The following PTPRG variants were observed in gnomAD, a reference collection of about 807,000 sequenced individuals.
The protein encoded by PTPRG is protein tyrosine phosphatase receptor type G, also known as receptor-type tyrosine-protein phosphatase gamma.
A neutral mutation model predicts 165.3 loss-of-function variants in PTPRG; 102 were observed. The observed-to-expected ratio is 0.62, with a 90% CI of 0.53 to 0.73. PTPRG has a LOEUF of 0.73. PTPRG is among the 30% of genes least tolerant of loss of function. PTPRG has a pLI of 0.00. For synonymous variants in PTPRG, 675 were observed against 669.5 expected (o/e 1.01, Z -0.13); for missense variants, 1,866 against 1,861.4 (o/e 1.00, Z -0.05).
At chr3:62,078,136 A>G (rs754703018) in intron 4 of PTPRG, 27 bp from the exon 5 acceptor site, 2 of 1,464,094 alleles carry the variant, frequency 1.4e-6, no homozygotes, top group Non-Finnish European at 1.9e-6. Context: ...AAATTTTCCT[A>G]ATACATTTTT....
At position 61,650,461 on chromosome 3, in the gene PTPRG, G is replaced by T. The variant is rs376432692; in HGVS notation, c.85+88089G>T. Among the ~76,000 whole-genome samples the T allele has an allele frequency of 4.6e-5, 7 of 152,266 alleles. No homozygotes were observed. The East Asian group carries it at 1.2e-3, about 25-fold the overall frequency. On this transcript the variant is annotated intron_variant, in intron 1 of 29. Transcript: ENST00000474889. ...AAGAGCTCATAAGAGATTGAGTCCCGGCCAGGAGAAGGGAAACTTGGCACC... is the reference window on the plus strand; with the variant it reads ...AAGAGCTCATAAGAGATTGAGTCCCTGCCAGGAGAAGGGAAACTTGGCACC...
rs533513555 is a variant in PTPRG, at chr3:61,682,173, C to T, written c.86-66705C>T. Among the ~76,000 whole-genome samples the T allele has an allele frequency of 7.1e-3, 777 of 110,128 alleles. 10 individuals carry two copies. The highest frequency in any genetic ancestry group is 0.024 in the African/African-American group (722 of 29,704). The allele number at this position is 110,128 out of a possible 152,430, so 72.2% of individuals were successfully genotyped here. A position where few individuals can be genotyped will look rare whatever the true frequency, so the allele number is the denominator to read the frequency against. On this transcript the variant is annotated intron_variant, in intron 1 of 29. Transcript: ENST00000474889. ...TCAAAAAAAAAAAAAAAAAAGTGAA[C>T]TGGTAATGAGAAATGAATTTTGGAA...
chr3:61,611,498 T>C (rs1271510337), intron 1 of PTPRG, among the ~76,000 whole-genome samples: 1 of 152,228 alleles, frequency 6.6e-6, no homozygotes, highest in Non-Finnish European at 1.5e-5. Flanking sequence ...ATTTTTCTAG[T>C]AGACTTTTTG....
intron 4 of PTPRG, among the ~76,000 whole-genome samples, chr3:62,034,064 C>G (rs1262458956): frequency 6.6e-6 from 1 of 152,206 alleles, no homozygotes; most frequent in African/African-American, 2.4e-5. Context: ...CTGAGCCCGG[C>G]CAGCTGATGA....
chr3:61,941,633 A>G (rs1342009943), intron 2 of PTPRG, among the ~76,000 whole-genome samples: 1 of 151,992 alleles, frequency 6.6e-6, no homozygotes, highest in Non-Finnish European at 1.5e-5. Context: ...AAAACAAAAC[A>G]AAAAAACAGG....
At chr3:62,069,729 G>C in intron 4 of PTPRG, among the ~76,000 whole-genome samples, 1 of 150,156 alleles carries the variant, frequency 6.7e-6, no homozygotes, top group Non-Finnish European at 1.5e-5. Context: ...CACGCACAGA[G>C]TAACTCCGGC....
intron 5 of PTPRG, among the ~76,000 whole-genome samples, chr3:62,123,558 C>T (rs1222265746): frequency 6.6e-6 from 1 of 152,058 alleles, no homozygotes; most frequent in African/African-American, 2.4e-5. Context: ...CAGGCAATCA[C>T]CATTCAATAA....
chr3:61,703,011 G>A (rs923134619), intron 1 of PTPRG, among the ~76,000 whole-genome samples: 1 of 152,204 alleles, frequency 6.6e-6, no homozygotes. Flanking sequence ...AAGGTTAAAT[G>A]TAATTCATAC....
intron 2 of PTPRG, among the ~76,000 whole-genome samples, chr3:61,979,223 G>C (rs1280331885): frequency 1.3e-5 from 2 of 152,156 alleles, no homozygotes; most frequent in Non-Finnish European, 2.9e-5. Context: ...TTTTGGTTCA[G>C]AGTCCAATAG....
chr3:62,247,662 A>G lies in PTPRG; in HGVS notation c.2467+3764A>G, dbSNP rs1019429979. On this transcript the variant is annotated intron_variant, in intron 15 of 29. Transcript: ENST00000474889. ...CACAAAAACAGGTCTGTGTGATTTA[A>G]ATGACTTAGGAAACAAGTCACAGCC... 7.9e-5 allele frequency among the ~76,000 whole-genome samples: 12 copies of G among 152,276 alleles called. No homozygotes were observed. In the East Asian group the frequency reaches 2.3e-3, roughly 29 times the overall value.
chr3:61,674,928 C>T (rs910396393), intron 1 of PTPRG, among the ~76,000 whole-genome samples: 2 of 152,090 alleles, frequency 1.3e-5, no homozygotes, highest in East Asian at 3.9e-4. Flanking sequence ...TTTTAAATCC[C>T]CAAATCCAAC....
intron 1 of PTPRG, among the ~76,000 whole-genome samples, chr3:61,662,762 G>C (rs773037793): frequency 6.6e-6 from 1 of 152,122 alleles, no homozygotes; most frequent in Non-Finnish European, 1.5e-5. Flanking sequence ...ATGTTTTGGG[G>C]TTAGATTTGG....
Position 61,805,516 on chromosome 3 carries a change from G to A in PTPRG, c.190+56534G>A, listed in dbSNP as rs74624936. Reference sequence around the variant, plus strand: ...AACAAATCCCAGGCCTACTCTTCCCGAAAATGGGAAAGACAAAAAAAAAAA... The same window carrying A: ...AACAAATCCCAGGCCTACTCTTCCCAAAAATGGGAAAGACAAAAAAAAAAA... On this transcript the variant is annotated intron_variant, in intron 2 of 29. Coordinates refer to ENST00000474889, the MANE Select transcript of PTPRG (RefSeq NM_002841.4). 1.1e-3 allele frequency among the ~76,000 whole-genome samples: 89 copies of A among 83,222 alleles called. 1 individual carries two copies. In the East Asian group the frequency reaches 0.032, roughly 30 times the overall value. 54.6% of individuals were successfully genotyped at this position (83,222 alleles called of 152,430 possible).
intron 1 of PTPRG, among the ~76,000 whole-genome samples, chr3:61,599,234 C>A (rs148869560): frequency 0.021 from 3,251 of 152,196 alleles, 130 homozygotes; most frequent in African/African-American, 0.074. Context: ...ACTGCAACCT[C>A]CGCCTCCCAG....
intron 2 of PTPRG, among the ~76,000 whole-genome samples, chr3:61,865,651 G>A (rs1447581463): frequency 6.6e-6 from 1 of 152,184 alleles, no homozygotes; most frequent in Non-Finnish European, 1.5e-5. Flanking sequence ...AGGGCAGGTG[G>A]CAGCAAGCTG....
intron 2 of PTPRG, among the ~76,000 whole-genome samples, chr3:61,817,189 A>C (rs2035808380): frequency 8.4e-6 from 1 of 118,564 alleles, no homozygotes; most frequent in South Asian, 2.4e-4. Flanking sequence ...AATATATAAA[A>C]TAATATATAT....
intron 2 of PTPRG, among the ~76,000 whole-genome samples, chr3:61,956,619 G>A (rs1195535722): frequency 6.6e-6 from 1 of 152,084 alleles, no homozygotes; most frequent in Non-Finnish European, 1.5e-5. Flanking sequence ...ATTAAAAGCA[G>A]GCAAACAGAA....
At chr3:61,969,813 T>C (rs868548468) in intron 2 of PTPRG, among the ~76,000 whole-genome samples, 4 of 152,258 alleles carry the variant, frequency 2.6e-5, no homozygotes, top group African/African-American at 9.6e-5. Context: ...GGAGGAGGGA[T>C]ACAGCGATAA....
rs780881345 is a variant in PTPRG, at chr3:62,210,070, C to A, written c.2155+6120C>A. ...ATCAAATGCCTCCCCACTTTCCCAC[C>A]ACCTAATTGAAATAGAGATGACAGA... is the stretch of plus-strand genomic sequence containing the variant. On this transcript the variant is annotated intron_variant, in intron 12 of 29. Transcript: ENST00000474889. This position sits in a 1 kb window ranked among gnomAD's most constrained non-coding sequence, Gnocchi z 4.1. Among the ~76,000 whole-genome samples the A allele has an allele frequency of 6.6e-6, 1 of 152,172 alleles. No homozygotes were observed. Among genetic ancestry groups the A allele is most frequent in the African/African-American group, 2.4e-5 (1 of 41,444 alleles).
Sources: gnomAD v4.1 joint callset for allele counts (sites outside exome capture counted in the v4.1 genomes callset) on GRCh38, gnomAD v4.1.1 for gene constraint, Gnocchi (gnomAD v3.1) non-coding constraint, MANE v1.5 for transcripts, NCBI Gene and HGNC (gene_info 2026-07-23, HGNC 2026-07-21) for gene names.